ABCA12: variants seen among roughly 807,000 people sequenced by gnomAD.
ABCA12 encodes the protein glucosylceramide transporter ABCA12.
Under a neutral mutation model 293.5 loss-of-function variants are expected in ABCA12, and 156 were observed. The observed-to-expected ratio is 0.53, with a 90% confidence interval of 0.47 to 0.61. ABCA12 has a LOEUF of 0.61. Ranked by LOEUF, ABCA12 falls within the 20% of genes least tolerant of loss-of-function variation. The pLI is 0.00. For synonymous variants in ABCA12, 1,063 were observed against 1,108.0 expected (o/e 0.96, Z 0.81); for missense variants, 2,797 against 3,090.2 (o/e 0.91, Z 2.25).
At chr2:215,004,179 T>C (rs1333255426) in intron 20 of ABCA12, 30 bp downstream of exon 20, 6 of 1,562,440 alleles carry the variant, frequency 3.8e-6, no homozygotes, top group Non-Finnish European at 5.3e-6. Flanking sequence ...ACATGACTCA[T>C]GAATAAAAGC....
At chr2:215,031,920 G>C in intron 8 of ABCA12, 24 bp from the exon 9 acceptor site, 1 of 1,612,826 alleles carries the variant, frequency 6.2e-7, no homozygotes, top group Non-Finnish European at 8.5e-7. Context: ...TTTTATATAG[G>C]TAAACATTTA....
intron 7 of ABCA12, 34 bp downstream of exon 7, chr2:215,045,802 CA>C: frequency 6.3e-7 from 1 of 1,582,900 alleles, no homozygotes; most frequent in Non-Finnish European, 8.7e-7. Flanking sequence ...TCTTTGTGAA[CA>C]CTAATATTAC....
chr2:214,980,214 C>A (rs1699616227), intron 31 of ABCA12, among the ~76,000 whole-genome samples: 1 of 152,168 alleles, frequency 6.6e-6, no homozygotes, highest in Admixed American at 6.5e-5. Context: ...AGACCAGCAA[C>A]ATCAGCGTCA....
intron 2 of ABCA12, among the ~76,000 whole-genome samples, chr2:215,095,489 A>T (rs1359120103): frequency 1.3e-5 from 2 of 151,900 alleles, no homozygotes; most frequent in East Asian, 3.9e-4. Context: ...TTACCCCAAA[A>T]TCTTTCTTCA....
chr2:214,932,067 T>G lies in ABCA12; in HGVS notation c.*567A>C, dbSNP rs1047361893. 6.3e-6 allele frequency: 1 copy of G among 157,658 alleles called. No individual in the cohort carries two copies. The highest frequency in any genetic ancestry group is 2.4e-5 in the African/African-American group (1 of 40,908). 9.8% of individuals were successfully genotyped at this position (157,658 alleles called of 1,614,324 possible). The stretch of plus-strand genomic sequence containing the variant: ...TTTTTTCGGGTTCAGCACGTCCCCA[T>G]GCATTCACAGGTACCGAAAGTGACA... On this transcript the variant is annotated 3_prime_UTR_variant, in exon 53 of 53. Transcript: ENST00000272895.
At chr2:215,029,335 G>C (rs1218492249) in intron 9 of ABCA12, 1 of 152,230 alleles carries the variant, frequency 6.6e-6, no homozygotes, top group African/African-American at 2.4e-5. Context: ...AGTGCCCAAT[G>C]AGGCATCACC....
At chr2:215,039,973 A>C (rs982219145) in intron 7 of ABCA12, among the ~76,000 whole-genome samples, 7 of 152,158 alleles carry the variant, frequency 4.6e-5, no homozygotes, top group African/African-American at 1.4e-4. Context: ...AAAAGTCTTC[A>C]CCTGTATTTA....
chr2:215,124,045 T>G (rs1310861233), intron 1 of ABCA12, among the ~76,000 whole-genome samples: 1 of 152,220 alleles, frequency 6.6e-6, no homozygotes, highest in Non-Finnish European at 1.5e-5. Context: ...CTGAGTTACT[T>G]CACTTAGAAT....
chr2:215,047,067 T>A (rs1260956575), intron 6 of ABCA12, among the ~76,000 whole-genome samples: 1 of 151,908 alleles, frequency 6.6e-6, no homozygotes, highest in East Asian at 1.9e-4. Context: ...CACACTGGGG[T>A]CTGTCAGAGC....
chr2:214,974,134 T>C, intron 35 of ABCA12, 92 bp from the exon 36 acceptor site: 1 of 1,119,286 alleles, frequency 8.9e-7, no homozygotes, highest in Non-Finnish European at 1.4e-6. Context: ...TGGTATTAAG[T>C]TCATGTGTGT....
Position 215,063,972 on chromosome 2 carries a change from G to A in ABCA12, c.317+94C>T. ...ATTTATAGACAGAGAAAACAAAATT[G>A]CATATCTAAGCTTGCATGGCTTCCT... On this transcript the variant is annotated intron_variant, in intron 3 of 52. Transcript: ENST00000272895. The A allele has an allele frequency of 2.0e-6, 3 of 1,515,230 alleles. No individual in the cohort carries two copies. The South Asian group carries it at 3.4e-5, about 17-fold the overall frequency. 93.9% of individuals were successfully genotyped at this position (1,515,230 alleles called of 1,614,324 possible). A position where few individuals can be genotyped will look rare whatever the true frequency, so the allele number is the denominator to read the frequency against.
chr2:215,112,325 A>G (rs1214770174), intron 1 of ABCA12, among the ~76,000 whole-genome samples: 1 of 148,494 alleles, frequency 6.7e-6, no homozygotes, highest in Non-Finnish European at 1.5e-5. Flanking sequence ...ACACCGTTAT[A>G]GTCAATGATT....
intron 29 of ABCA12, among the ~76,000 whole-genome samples, chr2:214,983,421 A>G (rs2105967927): frequency 6.6e-6 from 1 of 152,332 alleles, no homozygotes; most frequent in South Asian, 2.1e-4. Flanking sequence ...ATTCGGGGCA[A>G]TATGGGAGCC....
intron 2 of ABCA12, among the ~76,000 whole-genome samples, chr2:215,076,918 C>T (rs1284027349): frequency 6.6e-6 from 1 of 152,126 alleles, no homozygotes; most frequent in Admixed American, 6.5e-5. Context: ...CATTTAGACA[C>T]TTGCAAAATA....
chr2:215,081,080 C>A (rs1701926928), intron 2 of ABCA12, among the ~76,000 whole-genome samples: 1 of 152,118 alleles, frequency 6.6e-6, no homozygotes, highest in African/African-American at 2.4e-5. Flanking sequence ...AGAGAGAAAT[C>A]AATTACCCTC....
At chr2:214,943,323 T>C (rs1698468435) in intron 49 of ABCA12, among the ~76,000 whole-genome samples, 1 of 151,966 alleles carries the variant, frequency 6.6e-6, no homozygotes, top group African/African-American at 2.4e-5. Context: ...TAATTTTTTT[T>C]TGTAGAGATG....
chr2:215,110,824 T>G (rs964359595), intron 2 of ABCA12, among the ~76,000 whole-genome samples: 1 of 152,240 alleles, frequency 6.6e-6, no homozygotes, highest in African/African-American at 2.4e-5. Flanking sequence ...TATAGAAATT[T>G]GATTTACAAG....
At chr2:214,973,848 T>A in intron 36 of ABCA12, 101 bp downstream of exon 36, 1 of 1,031,862 alleles carries the variant, frequency 9.7e-7, no homozygotes. Context: ...TTCCATAAAA[T>A]GAACTTATAC....
chr2:215,118,259 G>A (rs993152666), intron 1 of ABCA12, among the ~76,000 whole-genome samples: 12 of 151,942 alleles, frequency 7.9e-5, no homozygotes, highest in South Asian at 2.1e-4. Context: ...AAAATTAGCC[G>A]AGCATGGTGG....
Sources: allele counts gnomAD v4.1 joint callset (sites outside exome capture counted in the v4.1 genomes callset), GRCh38; gene constraint gnomAD v4.1.1; transcripts MANE v1.5; gene names NCBI Gene and HGNC (gene_info 2026-07-23, HGNC 2026-07-21).